Variants in SGK1 observed in about 807,000 individuals in gnomAD.
SGK1 encodes serum/glucocorticoid regulated kinase 1, also known as serine/threonine-protein kinase Sgk1.
Under a neutral mutation model 64.2 loss-of-function variants are expected in SGK1, and 26 were observed. The observed-to-expected ratio is 0.40, with a 90% CI of 0.30 to 0.56. The LOEUF is 0.56. Ranked by LOEUF, SGK1 falls within the 20% of genes least tolerant of loss-of-function variation. The probability of loss-of-function intolerance (pLI) is 0.38; values close to 1 mark genes in which losing one functional copy is unlikely to be tolerated. For missense variants in SGK1, 519 were observed against 645.6 expected (o/e 0.80, Z 2.12); for synonymous variants, 265 against 239.7 (o/e 1.11, Z -0.98).
intron 2 of SGK1, among the ~76,000 whole-genome samples, chr6:134,232,423 G>GAGAGAGAGAGAGAGAA: frequency 4.3e-5 from 1 of 23,088 alleles, no homozygotes; most frequent in Non-Finnish European, 9.0e-5. Flanking sequence ...GAGAAAGAAA[G>GAGAGAGAGAGAGAGAA]AAAGAAAGAA....
At chr6:134,281,395 G>T (rs1382266885) in intron 1 of SGK1, among the ~76,000 whole-genome samples, 3 of 152,098 alleles carry the variant, frequency 2.0e-5, no homozygotes, top group African/African-American at 7.2e-5. Flanking sequence ...TGAGTAGGTG[G>T]TAGTAAAAGA....
At chr6:134,212,503 C>T (rs1337000025) in intron 2 of SGK1, among the ~76,000 whole-genome samples, 1 of 152,128 alleles carries the variant, frequency 6.6e-6, no homozygotes, top group Non-Finnish European at 1.5e-5. Context: ...TCACTGCTCT[C>T]GAGGAGCTTA....
intron 2 of SGK1, among the ~76,000 whole-genome samples, chr6:134,252,839 G>A (rs1461400926): frequency 6.6e-6 from 1 of 151,960 alleles, no homozygotes; most frequent in African/African-American, 2.4e-5. Flanking sequence ...ATCATGCCAA[G>A]AGCAAAAAAC....
intron 3 of SGK1, 167 bp from the exon 4 acceptor site, chr6:134,174,753 C>T (rs762924994): frequency 3.1e-6 from 5 of 1,614,108 alleles, no homozygotes; most frequent in Admixed American, 3.3e-5. Flanking sequence ...GCCACCATGC[C>T]CCTCATCCTG....
At chr6:134,246,598 T>A (rs1225397043) in intron 2 of SGK1, among the ~76,000 whole-genome samples, 1 of 152,106 alleles carries the variant, frequency 6.6e-6, no homozygotes, top group Non-Finnish European at 1.5e-5. Flanking sequence ...TATTTGTATT[T>A]ATTTATTTAT....
rs201151739 is a variant in SGK1, at chr6:134,293,223, C to CA, written c.69+24168dup. 8.8e-3 allele frequency among the ~76,000 whole-genome samples: 1,335 copies of CA among 152,174 alleles called. 22 individuals carry two copies. The highest frequency in any genetic ancestry group is 0.03 in the African/African-American group (1,259 of 41,534). On this transcript the variant is annotated intron_variant, in intron 1 of 13. Coordinates refer to ENST00000367858, the MANE Select transcript of SGK1 (RefSeq NM_001143676.3). ...TACATTGAAAACAATTTGTATATTTCAAAAAATGTCTTAAATAGTTACAAC... is the reference window on the plus strand; with the variant it reads ...TACATTGAAAACAATTTGTATATTTCAAAAAAATGTCTTAAATAGTTACAAC...
chr6:134,305,033 GAATGATAGAGAAGAC>G (rs1158526251), intron 1 of SGK1, among the ~76,000 whole-genome samples: 1 of 152,124 alleles, frequency 6.6e-6, no homozygotes, highest in East Asian at 1.9e-4. Flanking sequence ...AGGGAACAGT[GAATGATAGAGAAGAC>G]AATGACTTCA....
At chr6:134,305,966 AC>A (rs965395937) in intron 1 of SGK1, among the ~76,000 whole-genome samples, 2 of 152,036 alleles carry the variant, frequency 1.3e-5, no homozygotes, top group African/African-American at 4.8e-5. Context: ...CTTATTGATA[AC>A]CCCCCAGGGG....
chr6:134,213,615 A>AAATAAATAAATAAAT (rs1775927747), intron 2 of SGK1, among the ~76,000 whole-genome samples: 1 of 122,960 alleles, frequency 8.1e-6, no homozygotes, highest in Non-Finnish European at 1.6e-5. Context: ...ACTCTGTCTC[A>AAATAAATAAATAAAT]AAATAAATAA....
At chr6:134,179,109 T>A (rs1195302179) in intron 3 of SGK1, among the ~76,000 whole-genome samples, 1 of 152,196 alleles carries the variant, frequency 6.6e-6, no homozygotes, top group Non-Finnish European at 1.5e-5. Flanking sequence ...TTATTGATAT[T>A]TCTCAACATA....
chr6:134,227,556 C>G (rs1776204655), intron 2 of SGK1, among the ~76,000 whole-genome samples: 1 of 152,216 alleles, frequency 6.6e-6, no homozygotes, highest in South Asian at 2.1e-4. Context: ...GGCAGATATA[C>G]AAACTGAAGC....
At chr6:134,301,625 CTG>C (rs1318321542) in intron 1 of SGK1, among the ~76,000 whole-genome samples, 1 of 151,562 alleles carries the variant, frequency 6.6e-6, no homozygotes, top group Non-Finnish European at 1.5e-5. Context: ...GGGTCTTACT[CTG>C]TTGTCCAGGC....
intron 1 of SGK1, among the ~76,000 whole-genome samples, chr6:134,304,430 T>C (rs1177841768): frequency 6.6e-6 from 1 of 152,120 alleles, no homozygotes; most frequent in East Asian, 1.9e-4. Flanking sequence ...GGTGGGAGGA[T>C]CACTCGAGGT....
At chr6:134,241,048 CTTTTT>C (rs10686058) in intron 2 of SGK1, among the ~76,000 whole-genome samples, 1,996 of 74,094 alleles carry the variant, frequency 0.027, 35 homozygotes, top group African/African-American at 0.062. Flanking sequence ...TTCTTTTTTT[CTTTTT>C]TTTTTTTTTT....
At chr6:134,206,371 ATATATATATATATTTTTTTTTT>A (rs1268862569) in intron 3 of SGK1, among the ~76,000 whole-genome samples, 1 of 4,974 alleles carries the variant, frequency 2.0e-4, no homozygotes, top group African/African-American at 4.9e-4. Flanking sequence ...ATATATATAT[ATATATATATATATTTTTTTTTT>A]TTTTTTTTTT....
At position 134,173,334 on chromosome 6, in the gene SGK1, T is replaced by C. The variant is rs982088315; in HGVS notation, c.642A>G (p.Ala214=). 1 of 1,613,572 alleles carries C rather than the reference T, an allele frequency of 6.2e-7. No individual in the cohort carries two copies. Among genetic ancestry groups the C allele is most frequent in the Non-Finnish European group, 8.5e-7 (1 of 1,179,574 alleles). Residue 214 remains alanine, a synonymous_variant, in exon 7 of 14, where the codon GCA becomes GCG. Coordinates refer to ENST00000367858, the MANE Select transcript of SGK1 (RefSeq NM_001143676.3). ...FGKVLLARHK[A]EEVFYAVKVL... ...CTTTGACTGCATAGAACACTTCTTC[T>C]GCCTTGTGTCTTGCTAGAAGAACCT...
At chr6:134,287,554 T>C (rs969544376) in intron 1 of SGK1, among the ~76,000 whole-genome samples, 14 of 151,268 alleles carry the variant, frequency 9.3e-5, no homozygotes, top group African/African-American at 3.4e-4. Flanking sequence ...CGTTTTGGAT[T>C]GTATTTATTT....
chr6:134,313,525 AGTTTG>A (rs2114804869), intron 1 of SGK1, among the ~76,000 whole-genome samples: 1 of 151,936 alleles, frequency 6.6e-6, no homozygotes, highest in Admixed American at 6.6e-5. Context: ...AGACTTGACT[AGTTTG>A]ATGTTGAGAA....
At chr6:134,222,606 G>T (rs979725598) in intron 2 of SGK1, among the ~76,000 whole-genome samples, 15 of 152,138 alleles carry the variant, frequency 9.9e-5, no homozygotes, top group African/African-American at 3.6e-4. Context: ...AAAGTGCTGG[G>T]ATTACAGGCG....
Sources: gnomAD v4.1 joint callset for allele counts (sites outside exome capture counted in the v4.1 genomes callset) on GRCh38, gnomAD v4.1.1 for gene constraint, MANE v1.5 for transcripts, NCBI Gene and HGNC (gene_info 2026-07-23, HGNC 2026-07-21) for gene names.